The following MCF2 variants were observed in gnomAD, a reference collection of about 807,000 sequenced individuals.
The protein encoded by MCF2 is proto-oncogene DBL.
Under a neutral mutation model 82.5 loss-of-function variants are expected in MCF2, and 44 were observed. The observed-to-expected ratio is 0.53, with a 90% CI of 0.42 to 0.69. The LOEUF (loss-of-function observed/expected upper bound fraction) is 0.69, where lower values mean the gene tolerates loss of function less well. Among genes scored for constraint, MCF2 ranks in the 30% least tolerant of loss-of-function variants. The pLI is 0.00. For missense variants in MCF2, 623 were observed against 663.1 expected (o/e 0.94, Z 0.66); for synonymous variants, 217 against 224.9 (o/e 0.96, Z 0.32).
rs1309328442 is a variant in MCF2, at chrX:139,654,000, T to A, written c.-44-2212A>T. ...CATTCTGTTTTATGTATGAATAACA[T>A]TCCATGGTGTATATATACCATATTT... On this transcript the variant is annotated intron_variant, in intron 1 of 27. Transcript: ENST00000414978. Among the ~76,000 whole-genome samples, 6 of 111,882 alleles carry A rather than the reference T, an allele frequency of 5.4e-5. No homozygotes were observed. The East Asian group carries it at 1.7e-3, about 31-fold the overall frequency.
At chrX:139,618,748 C>T (rs1456075234) in intron 7 of MCF2, among the ~76,000 whole-genome samples, 1 of 111,404 alleles carries the variant, frequency 9.0e-6, no homozygotes, top group South Asian at 3.7e-4. Context: ...GCCTTGCTCT[C>T]ACATAAAAAG....
upstream of MCF2, among the ~76,000 whole-genome samples, chrX:139,647,109 GAA>G (rs1362684758): frequency 8.9e-6 from 1 of 111,899 alleles, no homozygotes; most frequent in Non-Finnish European, 1.9e-5. Flanking sequence ...AAAAGAAAAA[GAA>G]AGAGAGTAAA....
intron 1 of MCF2, among the ~76,000 whole-genome samples, chrX:139,656,040 G>T: frequency 9.1e-6 from 1 of 110,286 alleles, no homozygotes; most frequent in South Asian, 3.8e-4. Flanking sequence ...AGTAAATGCT[G>T]TTTTTTTTTG....
chrX:139,686,616 C>G (rs953803737), intron 1 of MCF2, among the ~76,000 whole-genome samples: 2 of 111,562 alleles, frequency 1.8e-5, no homozygotes, highest in Admixed American at 9.5e-5. Flanking sequence ...ATCTCCATCT[C>G]CACTGATGAA....
chrX:139,614,573 C>T (rs898221369), intron 10 of MCF2, among the ~76,000 whole-genome samples: 4 of 109,683 alleles, frequency 3.6e-5, no homozygotes, highest in Non-Finnish European at 7.6e-5. Context: ...GCTTCATATA[C>T]TTTCCTTCAC....
Position 139,670,189 on chromosome X carries a change from G to GA in MCF2, c.-44-18402dup, listed in dbSNP as rs200452774. 9.6e-3 allele frequency among the ~76,000 whole-genome samples: 1,060 copies of GA among 110,129 alleles called. 11 individuals are homozygous for GA. The highest frequency in any genetic ancestry group is 0.033 in the African/African-American group (997 of 30,272). On this transcript the variant is annotated intron_variant, in intron 1 of 27. Coordinates refer to the MCF2 transcript ENST00000414978. ...AATTATTTAAAAAAGAGATATGAAA[G>GA]AAAAAAATACCAAAAACATAAGAAG...
intron 1 of MCF2, among the ~76,000 whole-genome samples, chrX:139,703,275 A>G (rs1490752312): frequency 8.9e-6 from 1 of 112,110 alleles, no homozygotes; most frequent in Non-Finnish European, 1.9e-5. Context: ...ATTTGAGGAT[A>G]CAAGGGAAGG....
intron 2 of MCF2, 145 bp downstream of exon 2, chrX:139,651,574 CA>C (rs1320662917): frequency 8.2e-6 from 3 of 367,942 alleles, no homozygotes; most frequent in Non-Finnish European, 1.4e-5. Flanking sequence ...GCACAATGTA[CA>C]AATGTTTATT....
At position 139,692,159 on chromosome X, in the gene MCF2, G is replaced by C. The variant is rs1935286185; in HGVS notation, c.-45+15947C>G. The C allele has an allele frequency of 2.8e-6, 3 of 1,082,444 alleles. No individual in the cohort carries two copies. In the African/African-American group the frequency reaches 5.5e-5, roughly 20 times the overall value. 89.2% of individuals were successfully genotyped at this position (1,082,444 alleles called of 1,213,427 possible). The stretch of plus-strand genomic sequence containing the variant: ...CCGCCCGCCTTGGCGAACCCAGGTA[G>C]GGCCGGGCCCCTGCCGCTGCCATCC... On this transcript the variant is annotated intron_variant, in intron 1 of 27. Coordinates refer to the MCF2 transcript ENST00000414978.
At chrX:139,587,867 T>A (rs769603190) in intron 21 of MCF2, 79 bp from the exon 26 acceptor site, 231 of 467,566 alleles carry the variant, frequency 4.9e-4, no homozygotes, top group East Asian at 3.3e-3. Flanking sequence ...TTTCTCTCTC[T>A]CACACACACA....
chrX:139,707,470 TC>T (rs1935612818), intron 1 of MCF2, among the ~76,000 whole-genome samples: 2 of 111,042 alleles, frequency 1.8e-5, no homozygotes, highest in Non-Finnish European at 3.8e-5. Flanking sequence ...CAAGTCTACA[TC>T]CCCCCGGCTA....
rs752721710 is a variant in MCF2, at chrX:139,632,460, G to A, written c.52-6C>T. 2.5e-6 allele frequency: 3 copies of A among 1,192,314 alleles called. No homozygotes were observed. In the Admixed American group the frequency reaches 6.9e-5, roughly 27 times the overall value. Reference sequence around the variant, plus strand: ...AAGTTCCCAGGGAAGGAAGCCTGTAGAAAGAAAGAACAAAAGAAATTGGAA... The same window carrying A: ...AAGTTCCCAGGGAAGGAAGCCTGTAAAAAGAAAGAACAAAAGAAATTGGAA... On this transcript the variant is annotated splice_region_variant and splice_polypyrimidine_tract_variant and intron_variant, in intron 1 of 24. Coordinates refer to ENST00000370576, the Ensembl canonical transcript of MCF2.
chrX:139,626,539 CA>C, intron 5 of MCF2, 83 bp downstream of exon 8: 1 of 932,427 alleles, frequency 1.1e-6, no homozygotes, highest in East Asian at 3.1e-5. Context: ...AATACTTTAA[CA>C]CTTAACATAT....
chrX:139,596,285 G>T (rs765358188), intron 19 of MCF2, among the ~76,000 whole-genome samples: 1 of 111,271 alleles, frequency 9.0e-6, no homozygotes, highest in South Asian at 3.8e-4. Flanking sequence ...GTGCTCTTCA[G>T]GACGCTAGGG....
chrX:139,644,215 CA>C (rs1276024440), upstream of MCF2, among the ~76,000 whole-genome samples: 1 of 111,937 alleles, frequency 8.9e-6, no homozygotes, highest in African/African-American at 3.2e-5. Context: ...AAACCATCAC[CA>C]ACTGGAATTC....
At chrX:139,593,321 G>C (rs973494780) in intron 19 of MCF2, among the ~76,000 whole-genome samples, 1 of 109,260 alleles carries the variant, frequency 9.2e-6, no homozygotes, top group Non-Finnish European at 1.9e-5. Context: ...CAATTTTGTT[G>C]ATCCTTTCAA....
rs1274740164 is a variant in MCF2 at position 139,622,575 on chromosome X, T to C, written c.688-2869A>G. On this transcript the variant is annotated intron_variant, in intron 6 of 24. Coordinates refer to ENST00000370576, the Ensembl canonical transcript of MCF2. ...ATAAAATATGATGAGTTCATGTCCT[T>C]TGTAGGGACATGGATGAAGCTAGAA... is the stretch of plus-strand genomic sequence containing the variant. 2.7e-5 allele frequency among the ~76,000 whole-genome samples: 3 copies of C among 111,124 alleles called. No individual in the cohort carries two copies. The East Asian group carries it at 8.5e-4, about 31-fold the overall frequency.
intron 9 of MCF2, among the ~76,000 whole-genome samples, chrX:139,615,588 T>C (rs1303418138): frequency 1.8e-5 from 2 of 111,948 alleles, no homozygotes; most frequent in Admixed American, 1.9e-4. Flanking sequence ...GAGAATCACT[T>C]GGCTATTGCC....
At chrX:139,672,408 T>C (rs747196963) in intron 1 of MCF2, among the ~76,000 whole-genome samples, 1 of 112,742 alleles carries the variant, frequency 8.9e-6, no homozygotes, top group Non-Finnish European at 1.9e-5. Flanking sequence ...TCAAAGGAAA[T>C]GCTTCCAGTT....
Sources: allele counts gnomAD v4.1 joint callset (sites outside exome capture counted in the v4.1 genomes callset), GRCh38; gene constraint gnomAD v4.1.1; transcripts MANE v1.5; gene names NCBI Gene and HGNC (gene_info 2026-07-23, HGNC 2026-07-21).